The following SYBU variants were observed in gnomAD, a reference collection of about 807,000 sequenced individuals.
SYBU encodes GOLSYN A protein.
Under a neutral mutation model 35.9 loss-of-function variants are expected in SYBU, and 21 were observed. The ratio of observed to expected loss-of-function variants is 0.58; its 90% CI spans 0.41 to 0.84. The LOEUF (loss-of-function observed/expected upper bound fraction) is 0.84, where lower values mean the gene tolerates loss of function less well. Among genes scored for constraint, SYBU ranks in the 40% least tolerant of loss-of-function variants. The pLI is 0.00. For synonymous variants in SYBU, 319 were observed against 324.3 expected, an observed-to-expected ratio of 0.98 and a Z score of 0.18; for missense variants, 768 against 848.2, an observed-to-expected ratio of 0.91 and a Z score of 1.17.
At chr8:109,632,608 G>T (rs1264953129) in intron 2 of SYBU, among the ~76,000 whole-genome samples, 1 of 151,870 alleles carries the variant, frequency 6.6e-6, no homozygotes, top group African/African-American at 2.4e-5. Context: ...AAAAGGAATT[G>T]TTTTAGATAA....
intron 1 of SYBU, among the ~76,000 whole-genome samples, chr8:109,653,496 C>G (rs557368961): frequency 1.6e-4 from 25 of 152,266 alleles, no homozygotes; most frequent in Non-Finnish European, 2.6e-4. Context: ...AAAGTCTTAA[C>G]AGCACTGCCT....
chr8:109,585,922 G>T (rs184802937), intron 4 of SYBU, 138 bp downstream of exon 4: 1 of 654,058 alleles, frequency 1.5e-6, no homozygotes, highest in South Asian at 2.0e-5. Context: ...TAAAATCACT[G>T]TAAAAAAACA....
intron 1 of SYBU, among the ~76,000 whole-genome samples, chr8:109,688,777 A>G (rs1477214885): frequency 2.6e-5 from 4 of 151,920 alleles, no homozygotes; most frequent in Non-Finnish European, 5.9e-5. Context: ...CAGATAAAAA[A>G]AAAAAGAGAG....
chr8:109,612,082 C>A (rs996323176), intron 3 of SYBU, among the ~76,000 whole-genome samples: 8 of 152,184 alleles, frequency 5.3e-5, no homozygotes, highest in African/African-American at 1.9e-4. Context: ...GAGTTAGGAG[C>A]AAGGCTACCC....
intron 3 of SYBU, among the ~76,000 whole-genome samples, chr8:109,605,673 T>C (rs1004563429): frequency 2.6e-5 from 4 of 152,238 alleles, no homozygotes; most frequent in African/African-American, 9.6e-5. Context: ...TCAGCACATA[T>C]GGCATTGGTT....
intron 3 of SYBU, among the ~76,000 whole-genome samples, chr8:109,594,569 A>G (rs1424089916): frequency 1.3e-5 from 2 of 152,052 alleles, no homozygotes; most frequent in Non-Finnish European, 1.5e-5. Flanking sequence ...AGACCTAACA[A>G]CCTTGACCAT....
upstream of SYBU, chr8:109,645,633 G>GTTTTTTGTTT: frequency 4.4e-6 from 1 of 228,144 alleles, no homozygotes; most frequent in Middle Eastern, 1.7e-3. Flanking sequence ...TTCGTTTTTT[G>GTTTTTTGTTT]TTTTTTTTTT....
intron 2 of SYBU, among the ~76,000 whole-genome samples, chr8:109,629,439 A>G (rs1813347575): frequency 1.3e-5 from 2 of 152,222 alleles, no homozygotes; most frequent in South Asian, 2.1e-4. Context: ...GGGGTCATAC[A>G]AAACTGGCAC....
intron 3 of SYBU, among the ~76,000 whole-genome samples, chr8:109,606,274 G>A (rs1826056889): frequency 6.6e-6 from 1 of 152,154 alleles, no homozygotes; most frequent in African/African-American, 2.4e-5. Flanking sequence ...ACCAGGCATT[G>A]TAAAAATGAT....
At chr8:109,602,825 C>A (rs560043999) in intron 3 of SYBU, among the ~76,000 whole-genome samples, 4 of 152,168 alleles carry the variant, frequency 2.6e-5, no homozygotes, top group Admixed American at 1.3e-4. Context: ...AGTGTGAGAA[C>A]AAAAGCAAAT....
At chr8:109,596,975 A>T (rs1824949256) in intron 3 of SYBU, among the ~76,000 whole-genome samples, 3 of 152,244 alleles carry the variant, frequency 2.0e-5, no homozygotes, top group Admixed American at 6.5e-5. Context: ...AAAAGTAGTT[A>T]TGAAGAGTAA....
chr8:109,598,983 C>T (rs924765716), intron 3 of SYBU, among the ~76,000 whole-genome samples: 1 of 152,182 alleles, frequency 6.6e-6, no homozygotes, highest in Non-Finnish European at 1.5e-5. Context: ...CAAAATGTGC[C>T]TTAAACACCA....
At chr8:109,587,050 A>G (rs1406356682) in intron 3 of SYBU, among the ~76,000 whole-genome samples, 6 of 152,194 alleles carry the variant, frequency 3.9e-5, no homozygotes, top group Non-Finnish European at 8.8e-5. Context: ...CAATGAGAAG[A>G]AGAAAAAGAA....
intron 3 of SYBU, among the ~76,000 whole-genome samples, chr8:109,614,840 A>G (rs1586834352): frequency 6.6e-6 from 1 of 152,336 alleles, no homozygotes. Context: ...TAAGTGATAG[A>G]AGCCAAAATG....
intron 2 of SYBU, among the ~76,000 whole-genome samples, chr8:109,625,425 T>C (rs953659478): frequency 1.3e-5 from 2 of 152,168 alleles, no homozygotes; most frequent in African/African-American, 4.8e-5. Context: ...ACTTTTAAAA[T>C]GTGTTTGTTT....
upstream of SYBU, among the ~76,000 whole-genome samples, chr8:109,681,434 A>G (rs1379432886): frequency 6.6e-6 from 1 of 152,236 alleles, no homozygotes; most frequent in African/African-American, 2.4e-5. Flanking sequence ...TATAGGAAAA[A>G]TTTAATTTCA....
intron 1 of SYBU, among the ~76,000 whole-genome samples, chr8:109,687,659 C>T (rs184660396): frequency 6.6e-6 from 1 of 152,144 alleles, no homozygotes; most frequent in African/African-American, 2.4e-5. Flanking sequence ...TCATCCTGGG[C>T]TTCTAAGAAT....
chr8:109,662,236 G>T (rs944272346), intron 1 of SYBU, among the ~76,000 whole-genome samples: 1 of 152,108 alleles, frequency 6.6e-6, no homozygotes, highest in Non-Finnish European at 1.5e-5. Flanking sequence ...CTTATAAAAT[G>T]GGGGCACTAT....
intron 3 of SYBU, among the ~76,000 whole-genome samples, chr8:109,605,368 T>C (rs1439580578): frequency 6.6e-6 from 1 of 152,228 alleles, no homozygotes; most frequent in East Asian, 1.9e-4. Context: ...TCTGAAATTA[T>C]GTTTAGCTAA....
Sources: allele counts gnomAD v4.1 joint callset (sites outside exome capture counted in the v4.1 genomes callset), GRCh38; gene constraint gnomAD v4.1.1; transcripts MANE v1.5; gene names NCBI Gene and HGNC (gene_info 2026-07-23, HGNC 2026-07-21).